Variants in STAMBP observed in about 807,000 individuals in gnomAD.
The protein encoded by STAMBP is STAM binding protein, also known as STAM-binding protein.
A neutral mutation model predicts 50.7 loss-of-function variants in STAMBP; 31 were observed. The ratio of observed to expected loss-of-function variants is 0.61; its 90% CI spans 0.46 to 0.83. The LOEUF is 0.83. Ranked by LOEUF, STAMBP falls within the 40% of genes least tolerant of loss-of-function variation. The probability of loss-of-function intolerance (pLI) is 0.00; values close to 1 mark genes in which losing one functional copy is unlikely to be tolerated. For synonymous variants in STAMBP, 211 were observed against 192.4 expected (o/e 1.10, Z -0.80); for missense variants, 472 against 518.9 (o/e 0.91, Z 0.88).
In STAMBP at chr2:73,865,222, A is replaced by G. The variant is rs1678761155; in HGVS notation, c.*2963A>G. 1 of 152,244 alleles carries G rather than the reference A, an allele frequency of 6.6e-6. No homozygotes were observed. Among genetic ancestry groups the G allele is most frequent in the African/African-American group, 2.4e-5 (1 of 41,466 alleles). The allele number at this position is 152,244 out of a possible 1,614,324, so 9.4% of individuals were successfully genotyped here. A position where few individuals can be genotyped will look rare whatever the true frequency, so the allele number is the denominator to read the frequency against. On this transcript the variant is annotated 3_prime_UTR_variant, in exon 10 of 10. Transcript: ENST00000394070. Reference sequence around the variant, plus strand: ...GGAGGCTATTAGGAGCAAAGCTTTAATGAGTGAAAGTCTGGTGAATCCTGC... The same window carrying G: ...GGAGGCTATTAGGAGCAAAGCTTTAGTGAGTGAAAGTCTGGTGAATCCTGC...
chr2:73,849,253 TGGG>T, intron 5 of STAMBP, 107 bp from the exon 6 acceptor site: 2 of 1,534,868 alleles, frequency 1.3e-6, no homozygotes, highest in Non-Finnish European at 1.8e-6. Context: ...TGCCTGAAGT[TGGG>T]GGAATCCCAG....
At chr2:73,834,208 T>TAAA (rs1558557131) in intron 2 of STAMBP, among the ~76,000 whole-genome samples, 1 of 9,698 alleles carries the variant, frequency 1.0e-4, no homozygotes, top group Non-Finnish European at 1.9e-4. Flanking sequence ...AGATCATGTC[T>TAAA]TAAAAAAAAA....
At chr2:73,867,858 C>A (rs1009900864), downstream of STAMBP, among the ~76,000 whole-genome samples, 2 of 152,036 alleles carry the variant, frequency 1.3e-5, no homozygotes, top group African/African-American at 4.8e-5. Context: ...GGTGCGGTGG[C>A]TTACGCCTGT....
intron 2 of STAMBP, among the ~76,000 whole-genome samples, chr2:73,843,406 G>GTGTATATATATATATATATATATATATA (rs1458780751): frequency 5.4e-5 from 7 of 129,960 alleles, no homozygotes; most frequent in African/African-American, 2.3e-4. Flanking sequence ...GTTTGTGTAT[G>GTGTATATATATATATATATATATATATA]TATATATATA....
chr2:73,847,818 G>A (rs939448733), intron 5 of STAMBP, 65 bp downstream of exon 5: 4 of 1,542,012 alleles, frequency 2.6e-6, no homozygotes, highest in African/African-American at 2.7e-5. Context: ...TTCTGACGGG[G>A]TCAACCTAAG....
intron 2 of STAMBP, among the ~76,000 whole-genome samples, chr2:73,844,434 A>G (rs1046330120): frequency 3.9e-5 from 6 of 152,240 alleles, no homozygotes; most frequent in African/African-American, 1.4e-4. Context: ...CATGGCTGCC[A>G]AACGGTTCTC....
chr2:73,858,970 T>A (rs1047458600), intron 7 of STAMBP, among the ~76,000 whole-genome samples: 1 of 151,944 alleles, frequency 6.6e-6, no homozygotes, highest in Non-Finnish European at 1.5e-5. Flanking sequence ...CTATATATGC[T>A]ATGTTTTTTT....
chr2:73,838,185 G>A (rs575931084), intron 2 of STAMBP, among the ~76,000 whole-genome samples: 1 of 152,300 alleles, frequency 6.6e-6, no homozygotes, highest in East Asian at 1.9e-4. Context: ...TTCTATAGGG[G>A]ACCAGAGAGT....
chr2:73,850,040 G>A lies in STAMBP; in HGVS notation c.868-336G>A, dbSNP rs1346217522. Among the ~76,000 whole-genome samples the A allele has an allele frequency of 2.0e-5, 3 of 152,216 alleles. No homozygotes were observed. The highest frequency in any genetic ancestry group is 7.2e-5 in the African/African-American group (3 of 41,448). Reference sequence around the variant, plus strand: ...AGAAGGGCTTAAGGAAACAGTGACAGGACAACAACTTTAGACCTGAGCAAG... The same window carrying A: ...AGAAGGGCTTAAGGAAACAGTGACAAGACAACAACTTTAGACCTGAGCAAG... On this transcript the variant is annotated intron_variant, in intron 6 of 9. Coordinates refer to ENST00000394070, the MANE Select transcript of STAMBP (RefSeq NM_213622.4). This position sits in a 1 kb window ranked among gnomAD's most constrained non-coding sequence, Gnocchi z 4.3.
rs367635907 is a variant in STAMBP at position 73,849,853 on chromosome 2, A to G, written c.867+366A>G. Among the ~76,000 whole-genome samples the G allele has an allele frequency of 7.9e-5, 12 of 152,328 alleles. No homozygotes were observed. The East Asian group carries it at 2.3e-3, about 29-fold the overall frequency. ...CAGTCACTTTGGAGAGAAGGCAGACATGCACTAAAGTCTAACCAGCATGCT... is the reference window on the plus strand; with the variant it reads ...CAGTCACTTTGGAGAGAAGGCAGACGTGCACTAAAGTCTAACCAGCATGCT... On this transcript the variant is annotated intron_variant, in intron 6 of 9. Coordinates refer to ENST00000394070, the MANE Select transcript of STAMBP (RefSeq NM_213622.4).
downstream of STAMBP, chr2:73,867,317 G>A (rs1019205511): frequency 2.0e-5 from 3 of 152,202 alleles, no homozygotes; most frequent in African/African-American, 7.2e-5. Context: ...GGCCAAGGCG[G>A]GTGGATCACC....
intron 3 of STAMBP, 83 bp downstream of exon 3, chr2:73,844,971 C>T: frequency 6.5e-7 from 1 of 1,550,218 alleles, no homozygotes; most frequent in Non-Finnish European, 8.7e-7. Flanking sequence ...GTAGTCTCTG[C>T]ATCTGAGTAC....
At position 73,847,383 on chromosome 2, in the gene STAMBP, G is replaced by A. The variant is rs115370242; in HGVS notation, c.376-4G>A. ...GTGTTAGCCTAAATTTTCTCTCTTT[G>A]TAGAAGAAGGAAGCAGAGGAATTGG... On this transcript the variant is annotated splice_polypyrimidine_tract_variant and splice_region_variant and intron_variant, in intron 4 of 9. Coordinates refer to ENST00000394070, the MANE Select transcript of STAMBP (RefSeq NM_213622.4). 1.7e-4 allele frequency: 267 copies of A among 1,591,112 alleles called. No individual in the cohort carries two copies. In the African/African-American group the frequency reaches 3.2e-3, roughly 19 times the overall value.
At chr2:73,844,653 T>C (rs1232132843) in intron 2 of STAMBP, 160 bp from the exon 3 acceptor site, 1 of 519,704 alleles carries the variant, frequency 1.9e-6, no homozygotes, top group Non-Finnish European at 3.4e-6. Context: ...GGGATAGAGA[T>C]GGGAAAGGAG....
In STAMBP at chr2:73,867,036, T is replaced by C. The variant is rs1678966851; in HGVS notation, c.*4777T>C. ...ATGAGCTAAAATCATCCTGTTTGTT[T>C]ATTGCTAGCTTATGTGTCTAAAGTA... On this transcript the variant is annotated 3_prime_UTR_variant, in exon 10 of 10. Transcript: ENST00000394070. The C allele has an allele frequency of 6.6e-6, 1 of 152,258 alleles. No homozygotes were observed. Among genetic ancestry groups the C allele is most frequent in the Non-Finnish European group, 1.5e-5 (1 of 68,050 alleles). 9.4% of individuals were successfully genotyped at this position (152,258 alleles called of 1,614,324 possible).
intron 7 of STAMBP, among the ~76,000 whole-genome samples, chr2:73,857,756 A>G (rs1167481893): frequency 6.6e-6 from 1 of 152,136 alleles, no homozygotes; most frequent in African/African-American, 2.4e-5. Flanking sequence ...AAGTGAGGGC[A>G]TACATCCACC....
At position 73,861,350 on chromosome 2, in the gene STAMBP, TAAAC is replaced by T. The variant is rs1184583785; in HGVS notation, c.1219-849_1219-846del. On this transcript the variant is annotated intron_variant, in intron 9 of 9. Transcript: ENST00000394070. ...CTAGAATGTATATACATTTTAAAAA[TAAAC>T]AAAGGTAAATGGGCAAACACTGATT... Among the ~76,000 whole-genome samples, 10 of 152,250 alleles carry T rather than the reference TAAAC, an allele frequency of 6.6e-5. No homozygotes were observed. In the South Asian group the frequency reaches 1.7e-3, roughly 25 times the overall value.
At chr2:73,855,020 G>T (rs1048783979) in intron 7 of STAMBP, among the ~76,000 whole-genome samples, 2 of 152,116 alleles carry the variant, frequency 1.3e-5, no homozygotes, top group African/African-American at 4.8e-5. Flanking sequence ...AAAGCAGACC[G>T]AAAGATTTAT....
In STAMBP at chr2:73,849,450, G is replaced by A. The variant is rs148085662; in HGVS notation, c.830G>A (p.Arg277Gln). The change falls in exon 6 of 10, where the codon CGG (arginine) becomes CAG (glutamine). Residue 277 changes from arginine (R) to glutamine (Q), a missense_variant. Arg to Gln is a conservative substitution (Grantham distance 43). Coordinates refer to ENST00000394070, the MANE Select transcript of STAMBP (RefSeq NM_213622.4). ...CAGTTAGCCAGTGCCAACACTGCCC[G>A]GGGAGTGGAGACATGTGGAATTCTC... The part of the protein sequence containing the change: ...FLQLASANTA[R>Q]GVETCGILCG... 23 of 1,612,526 alleles carry A rather than the reference G, an allele frequency of 1.4e-5. No individual in the cohort carries two copies. The highest frequency in any genetic ancestry group is 5.4e-5 in the African/African-American group (4 of 74,732).
Sources: gnomAD v4.1 joint callset for allele counts (sites outside exome capture counted in the v4.1 genomes callset) on GRCh38, gnomAD v4.1.1 for gene constraint, Gnocchi (gnomAD v3.1) non-coding constraint, MANE v1.5 for transcripts, NCBI Gene and HGNC (gene_info 2026-07-23, HGNC 2026-07-21) for gene names.